Variants in CELSR1 observed in about 807,000 individuals in gnomAD.
CELSR1 encodes cadherin EGF LAG seven-pass G-type receptor 1, also known as adhesion G protein-coupled receptor C1.
A neutral mutation model predicts 249.1 loss-of-function variants in CELSR1; 110 were observed. That is an observed-to-expected ratio of 0.44 (90% CI 0.38 to 0.52). The LOEUF (loss-of-function observed/expected upper bound fraction) is 0.52, where lower values mean the gene tolerates loss of function less well. Ranked by LOEUF, CELSR1 falls within the 20% of genes least tolerant of loss-of-function variation. The pLI is 0.00. For synonymous variants in CELSR1, 2,113 were observed against 1,900.0 expected (o/e 1.11, Z -2.92); for missense variants, 4,109 against 4,296.4 (o/e 0.96, Z 1.22).
rs766039471 is a variant in CELSR1 at position 46,364,021 on chromosome 22, C to T, written c.9010G>A (p.Ala3004Thr). 1.2e-5 allele frequency: 19 copies of T among 1,608,990 alleles called. 1 individual carries two copies. The highest frequency in any genetic ancestry group is 1.1e-4 in the East Asian group (5 of 44,766). ...GVAMNVRTGS[A>T]QADGSDSEGS... is the part of the protein sequence containing the mutation. ...TCAGAGTCGGAGCCATCGGCCTGGG[C>T]GCTCCCAGTGCGCACATTCATGGCC... Residue 3004 changes from alanine (A) to threonine (T), a missense_variant, in exon 34 of 35, where the codon GCC (alanine) becomes ACC (threonine). Transcript: ENST00000674500.
Position 46,536,307 on chromosome 22 carries a change from G to C in CELSR1, c.864C>G (p.Phe288Leu). 6.2e-7 allele frequency: 1 copy of C among 1,612,666 alleles called. No homozygotes were observed. Among genetic ancestry groups the C allele is most frequent in the Non-Finnish European group, 8.5e-7 (1 of 1,179,920 alleles). Residue 288 changes from phenylalanine to leucine, a missense_variant, in exon 1 of 35, where the codon TTC (phenylalanine) becomes TTG (leucine). This residue lies in a region of CELSR1 where 673 missense variants were observed against 636.8 expected (regional missense o/e 1.06). Coordinates refer to ENST00000674500, the MANE Select transcript of CELSR1 (RefSeq NM_001378328.1). ...GGAAGTAGCCCCGGGAGCGCTCGTC[G>C]AACAGCCCCTCCATGTAATAGCTCA... ...ERVSYYMEGLFDERSRGYFRI... is the reference protein window; with the variant it reads ...ERVSYYMEGLLDERSRGYFRI...
In CELSR1 at chr22:46,396,088, A is replaced by G. The variant is rs113953648; in HGVS notation, c.5843+517T>C. Among the ~76,000 whole-genome samples the G allele has an allele frequency of 4.7e-3, 712 of 152,258 alleles. 9 individuals are homozygous for G. The highest frequency in any genetic ancestry group is 0.014 in the East Asian group (71 of 5,184). ...GTTTCAGGTGTGGACACATGATCCA[A>G]TGGGGTTAGTTTGAGACGTCCAAAT... On this transcript the variant is annotated intron_variant, in intron 13 of 34. Transcript: ENST00000674500. The surrounding 1 kb of genome is among the most constrained non-coding windows in gnomAD (Gnocchi z 6.4).
At chr22:46,525,806 G>A (rs549963023) in intron 1 of CELSR1, among the ~76,000 whole-genome samples, 2 of 152,236 alleles carry the variant, frequency 1.3e-5, no homozygotes, top group Non-Finnish European at 2.9e-5. Context: ...CTGCTATCGG[G>A]TTTCAAAATG....
At chr22:46,383,624 TCAAG>T in intron 20 of CELSR1, among the ~76,000 whole-genome samples, 1 of 152,326 alleles carries the variant, frequency 6.6e-6, no homozygotes, top group Admixed American at 6.5e-5. Flanking sequence ...TCTCCCGGAC[TCAAG>T]CAATCCTCCC....
rs1325212460 is a variant in CELSR1 at position 46,378,493 on chromosome 22, G to C, written c.7383+98C>G. ...ATTTGGGGGCAGGCTCAGCAGGTTT[G>C]AGGACGGGCAGGTTTGGCGGGGAGG... On this transcript the variant is annotated intron_variant, in intron 23 of 34. Transcript: ENST00000674500. 3 of 1,387,040 alleles carry C rather than the reference G, an allele frequency of 2.2e-6. No individual in the cohort carries two copies. The African/African-American group carries it at 4.3e-5, about 20-fold the overall frequency. The allele number at this position is 1,387,040 out of a possible 1,614,324, so 85.9% of individuals were successfully genotyped here.
intron 9 of CELSR1, among the ~76,000 whole-genome samples, chr22:46,405,230 G>C (rs2079252278): frequency 6.6e-6 from 1 of 151,080 alleles, no homozygotes; most frequent in African/African-American, 2.4e-5. Flanking sequence ...GGAGGCTGAG[G>C]CGGGTGGATC....
At chr22:46,452,325 C>G (rs1339421801) in intron 2 of CELSR1, among the ~76,000 whole-genome samples, 1 of 152,202 alleles carries the variant, frequency 6.6e-6, no homozygotes, top group Non-Finnish European at 1.5e-5. Context: ...TGCCAGGGCT[C>G]TTATGGCACC....
At chr22:46,489,910 A>G (rs1378938435) in intron 1 of CELSR1, among the ~76,000 whole-genome samples, 1 of 146,882 alleles carries the variant, frequency 6.8e-6, no homozygotes, top group Non-Finnish European at 1.5e-5. Flanking sequence ...AAAAAAGCCC[A>G]TCCTTCCTGC....
In CELSR1 at chr22:46,441,698, A is replaced by G. The variant is rs9627458; in HGVS notation, c.4184-2287T>C. 0.015 allele frequency among the ~76,000 whole-genome samples: 2,253 copies of G among 152,226 alleles called. 51 individuals carry two copies. Among genetic ancestry groups the G allele is most frequent in the African/African-American group, 0.052 (2,155 of 41,536 alleles). Reference sequence around the variant, plus strand: ...AATTGCAGCCTGGGGGCCCCACCCCATGACCTCATCTAAACCTAATCACCT... The same window carrying G: ...AATTGCAGCCTGGGGGCCCCACCCCGTGACCTCATCTAAACCTAATCACCT... On this transcript the variant is annotated intron_variant, in intron 2 of 34. Transcript: ENST00000674500. The surrounding 1 kb of genome is among the most constrained non-coding windows in gnomAD (Gnocchi z 6.1).
chr22:46,439,788 GCA>G (rs2079720837), intron 2 of CELSR1, among the ~76,000 whole-genome samples: 2 of 152,054 alleles, frequency 1.3e-5, no homozygotes, highest in Admixed American at 1.3e-4. Context: ...ACAGACCAGA[GCA>G]CCTCAGGCCC....
In CELSR1 at chr22:46,407,589, G is replaced by A. The variant is rs528820357; in HGVS notation, c.5226+1407C>T. ...AGAAGTTGCAGTGAGCTGAGGTTAC[G>A]CCGTCGCACTCCAGCCTGGGCAACA... On this transcript the variant is annotated intron_variant, in intron 9 of 34. Transcript: ENST00000674500. The surrounding 1 kb of genome is among the most constrained non-coding windows in gnomAD (Gnocchi z 4.8). Among the ~76,000 whole-genome samples the A allele has an allele frequency of 1.6e-4, 25 of 152,138 alleles. No individual in the cohort carries two copies. The highest frequency in any genetic ancestry group is 6.0e-4 in the African/African-American group (25 of 41,486).
rs911806702 is a variant in CELSR1, at chr22:46,533,607, C to T, written c.3544+20G>A. The T allele has an allele frequency of 6.5e-7, 1 of 1,533,338 alleles. No homozygotes were observed. Among genetic ancestry groups the T allele is most frequent in the African/African-American group, 1.4e-5 (1 of 73,350 alleles). The allele number at this position is 1,533,338 out of a possible 1,614,324, so 95.0% of individuals were successfully genotyped here. A position where few individuals can be genotyped will look rare whatever the true frequency, so the allele number is the denominator to read the frequency against. On this transcript the variant is annotated intron_variant, in intron 1 of 34. Transcript: ENST00000674500. Reference sequence around the variant, plus strand: ...GGAGGCCCATCAGGAGCTACTCCTCCCACCCCGACGGCCACTCACCAGACA... The same window carrying T: ...GGAGGCCCATCAGGAGCTACTCCTCTCACCCCGACGGCCACTCACCAGACA...
At chr22:46,533,277 T>A (rs1008343362) in intron 1 of CELSR1, among the ~76,000 whole-genome samples, 33 of 152,238 alleles carry the variant, frequency 2.2e-4, no homozygotes, top group Middle Eastern at 3.4e-3. Flanking sequence ...CGAAAGAGCA[T>A]CTCCAAGCAA....
intron 1 of CELSR1, among the ~76,000 whole-genome samples, chr22:46,516,295 A>G (rs1257271318): frequency 6.6e-6 from 1 of 152,180 alleles, no homozygotes; most frequent in Non-Finnish European, 1.5e-5. Flanking sequence ...TGATGAGTTC[A>G]TGTCCTTTGT....
chr22:46,477,761 C>T (rs973174926), intron 1 of CELSR1, among the ~76,000 whole-genome samples: 107 of 152,296 alleles, frequency 7.0e-4, no homozygotes, highest in South Asian at 2.1e-4. Flanking sequence ...CCGCCTCAGC[C>T]TCCCAAAGTG....
At chr22:46,371,221 C>G (rs1010209553) in intron 25 of CELSR1, among the ~76,000 whole-genome samples, 4 of 152,166 alleles carry the variant, frequency 2.6e-5, no homozygotes, top group African/African-American at 9.7e-5. Context: ...TCAGAACACC[C>G]TAGCCAGGAG....
intron 1 of CELSR1, among the ~76,000 whole-genome samples, chr22:46,467,876 T>C (rs5768796): frequency 0.41 from 61,436 of 151,664 alleles, 12,807 homozygotes; most frequent in South Asian, 0.53. Flanking sequence ...CTACAAAGGA[T>C]GTAAAAGGAT....
At position 46,464,396 on chromosome 22, in the gene CELSR1, G is replaced by A. The variant is rs531078987; in HGVS notation, c.3545-51C>T. Reference sequence around the variant, plus strand: ...CATTCAGATGCTGCGGGAGTCACAGGTCCTATAGGCCCCATCCCAGGAGCA... The same window carrying A: ...CATTCAGATGCTGCGGGAGTCACAGATCCTATAGGCCCCATCCCAGGAGCA... On this transcript the variant is annotated intron_variant, in intron 1 of 34. Transcript: ENST00000674500. This position sits in a 1 kb window ranked among gnomAD's most constrained non-coding sequence, Gnocchi z 8.5. 220 of 1,566,322 alleles carry A rather than the reference G, an allele frequency of 1.4e-4. No individual in the cohort carries two copies. Among genetic ancestry groups the A allele is most frequent in the Non-Finnish European group, 2.4e-5 (28 of 1,155,826 alleles).
rs914781582 is a variant in CELSR1, at chr22:46,429,158, C to T, written c.4611+4235G>A. On this transcript the variant is annotated intron_variant, in intron 5 of 34. Transcript: ENST00000674500. The surrounding 1 kb of genome is among the most constrained non-coding windows in gnomAD (Gnocchi z 4.1). ...GACGGCCCCTCCCTAGCACTGTCTC[C>T]GTGGGGAATAAGCTTCTCCCCACAC... Among the ~76,000 whole-genome samples the T allele has an allele frequency of 6.6e-6, 1 of 152,158 alleles. No individual in the cohort carries two copies. Among genetic ancestry groups the T allele is most frequent in the South Asian group, 2.1e-4 (1 of 4,818 alleles).
Sources: gnomAD v4.1 joint callset for allele counts (sites outside exome capture counted in the v4.1 genomes callset) on GRCh38, gnomAD v4.1.1 for gene constraint, gnomAD v4.1.1 regional missense constraint, Gnocchi (gnomAD v3.1) non-coding constraint, MANE v1.5 for transcripts, NCBI Gene and HGNC (gene_info 2026-07-23, HGNC 2026-07-21) for gene names.